MYO16: variants seen among roughly 807,000 people sequenced by gnomAD.
MYO16 encodes myosin XVI.
MYO16 carries 94 observed loss-of-function variants against 205.3 expected under a neutral mutation model. The ratio of observed to expected loss-of-function variants is 0.46; its 90% CI spans 0.39 to 0.54. The LOEUF (loss-of-function observed/expected upper bound fraction) is 0.54. Ranked by LOEUF, MYO16 falls within the 20% of genes least tolerant of loss-of-function variation. The pLI, the probability that MYO16 is intolerant of heterozygous loss-of-function variation, is 0.00. For synonymous variants in MYO16, 988 were observed against 954.0 expected, an observed-to-expected ratio of 1.04 and a Z score of -0.66; for missense variants, 2,315 against 2,387.5, an observed-to-expected ratio of 0.97 and a Z score of 0.63.
chr13:108,896,074 C>T (rs897075951), intron 14 of MYO16, among the ~76,000 whole-genome samples: 7 of 152,116 alleles, frequency 4.6e-5, no homozygotes, highest in Non-Finnish European at 7.4e-5. Flanking sequence ...CAGGCACATG[C>T]ATTTAACCAT....
chr13:108,835,098 T>TC (rs1295259405), intron 9 of MYO16, among the ~76,000 whole-genome samples: 4 of 152,198 alleles, frequency 2.6e-5, no homozygotes, highest in Non-Finnish European at 5.9e-5. Context: ...ATTTTTTTTT[T>TC]CTTATATGAA....
intron 21 of MYO16, among the ~76,000 whole-genome samples, chr13:109,005,227 GTTC>G (rs765514951): frequency 2.0e-5 from 3 of 152,114 alleles, no homozygotes; most frequent in African/African-American, 4.8e-5. Flanking sequence ...AACATGGCAA[GTTC>G]TTCTTTAATT....
At chr13:108,941,815 T>C (rs975789815) in intron 16 of MYO16, among the ~76,000 whole-genome samples, 1 of 152,086 alleles carries the variant, frequency 6.6e-6, no homozygotes, top group Non-Finnish European at 1.5e-5. Flanking sequence ...AGAGAAATGC[T>C]CTTTCGTGTT....
chr13:108,608,885 C>T lies in MYO16; in HGVS notation c.-39+12646C>T, dbSNP rs567562411. Reference sequence around the variant, plus strand: ...TCCCAAACACCCGACCTCAGGGGATCCACCTGCCTCAGCCTCCCAAAGTGC... The same window carrying T: ...TCCCAAACACCCGACCTCAGGGGATTCACCTGCCTCAGCCTCCCAAAGTGC... On this transcript the variant is annotated intron_variant, in intron 1 of 24. Transcript: ENST00000251041. 3.9e-5 allele frequency among the ~76,000 whole-genome samples: 6 copies of T among 152,274 alleles called. No individual in the cohort carries two copies. The East Asian group carries it at 1.2e-3, about 29-fold the overall frequency.
intron 27 of MYO16, among the ~76,000 whole-genome samples, chr13:109,091,608 C>T (rs1387848139): frequency 6.6e-6 from 1 of 152,166 alleles, no homozygotes; most frequent in Admixed American, 6.5e-5. Context: ...TCAGCACTGG[C>T]GACCGCATTT....
intron 27 of MYO16, among the ~76,000 whole-genome samples, chr13:109,076,716 G>A (rs1888118934): frequency 6.6e-6 from 1 of 152,102 alleles, no homozygotes; most frequent in Non-Finnish European, 1.5e-5. Flanking sequence ...GGACCTCTGG[G>A]GCTGTTTTCC....
chr13:108,628,025 G>T (rs1480600871), upstream of MYO16, among the ~76,000 whole-genome samples: 1 of 152,286 alleles, frequency 6.6e-6, no homozygotes, highest in African/African-American at 2.4e-5. Flanking sequence ...CACATGTAAA[G>T]ATTTGTATTG....
chr13:108,614,370 A>C (rs1315635839), intron 1 of MYO16, among the ~76,000 whole-genome samples: 1 of 152,078 alleles, frequency 6.6e-6, no homozygotes, highest in Non-Finnish European at 1.5e-5. Flanking sequence ...ATTGAAAGAC[A>C]TTATATTGGA....
At chr13:108,728,170 G>C (rs980802364) in intron 4 of MYO16, among the ~76,000 whole-genome samples, 5 of 152,072 alleles carry the variant, frequency 3.3e-5, no homozygotes, top group Non-Finnish European at 7.4e-5. Context: ...AAACACACTG[G>C]AATATATGAG....
intron 27 of MYO16, among the ~76,000 whole-genome samples, chr13:109,092,067 C>T (rs1056382826): frequency 1.3e-5 from 2 of 152,164 alleles, no homozygotes; most frequent in African/African-American, 2.4e-5. Context: ...TCAATAAATA[C>T]TTCTCAAGTA....
chr13:109,084,797 G>A (rs1888388983), intron 27 of MYO16, among the ~76,000 whole-genome samples: 1 of 151,454 alleles, frequency 6.6e-6, no homozygotes, highest in African/African-American at 2.4e-5. Flanking sequence ...GTGTCCCAAA[G>A]TGTGGGACAC....
At chr13:108,932,400 G>T (rs1389795371) in intron 16 of MYO16, among the ~76,000 whole-genome samples, 1 of 152,136 alleles carries the variant, frequency 6.6e-6, no homozygotes, top group Admixed American at 6.5e-5. Context: ...TTCCTCATTG[G>T]CTTGGCTGAG....
chr13:108,714,592 C>CTGTGTGTG (rs572376937), intron 3 of MYO16, among the ~76,000 whole-genome samples: 4 of 146,778 alleles, frequency 2.7e-5, no homozygotes, highest in East Asian at 4.0e-4. Flanking sequence ...GTGTGTGTGT[C>CTGTGTGTG]TGTGTGTGTG....
chr13:108,652,207 ACAGCACCTGC>A (rs1881044952), intron 1 of MYO16, among the ~76,000 whole-genome samples: 1 of 152,188 alleles, frequency 6.6e-6, no homozygotes, highest in Non-Finnish European at 1.5e-5. Flanking sequence ...CTGTGTGTCT[ACAGCACCTGC>A]ATGTAAGCAT....
At chr13:108,620,779 C>A (rs1431512108) in intron 1 of MYO16, among the ~76,000 whole-genome samples, 2 of 152,198 alleles carry the variant, frequency 1.3e-5, no homozygotes, top group African/African-American at 4.8e-5. Flanking sequence ...GTGGCCTCCA[C>A]TTCCCAAACA....
Position 108,849,730 on chromosome 13 carries a change from CT to C in MYO16, c.1248+5250del, listed in dbSNP as rs1172926224. Among the ~76,000 whole-genome samples, 612 of 128,070 alleles carry C rather than the reference CT, an allele frequency of 4.8e-3. 4 individuals carry two copies. The highest frequency in any genetic ancestry group is 0.021 in the Admixed American group (263 of 12,380). 84.0% of individuals were successfully genotyped at this position (128,070 alleles called of 152,430 possible). On this transcript the variant is annotated intron_variant, in intron 10 of 34. Transcript: ENST00000457511. ...TCTTCCAAATCCTGTTGAATTTCCT[CT>C]TTTTTTTTTTTTAACTCATCCATAC...
chr13:108,894,483 G>A (rs1040448238), intron 14 of MYO16, among the ~76,000 whole-genome samples: 1 of 152,106 alleles, frequency 6.6e-6, no homozygotes, highest in African/African-American at 2.4e-5. Context: ...AGTTCACACT[G>A]TCACAACACA....
At chr13:108,741,161 G>A (rs751822931) in intron 4 of MYO16, among the ~76,000 whole-genome samples, 4 of 152,162 alleles carry the variant, frequency 2.6e-5, no homozygotes, top group African/African-American at 9.6e-5. Flanking sequence ...CATCCGACAC[G>A]CCCCAGTGAG....
chr13:108,942,689 C>G (rs1882780665), intron 16 of MYO16, among the ~76,000 whole-genome samples: 1 of 152,170 alleles, frequency 6.6e-6, no homozygotes, highest in Non-Finnish European at 1.5e-5. Flanking sequence ...TGGATAAGCA[C>G]TGAGTCTCAT....
Sources: gnomAD v4.1 joint callset for allele counts (sites outside exome capture counted in the v4.1 genomes callset) on GRCh38, gnomAD v4.1.1 for gene constraint, MANE v1.5 for transcripts, NCBI Gene and HGNC (gene_info 2026-07-23, HGNC 2026-07-21) for gene names.